Variants in DPP6 observed in about 807,000 individuals in gnomAD.
DPP6 encodes the protein dipeptidyl peptidase like 6.
DPP6 carries 69 observed loss-of-function variants against 122.6 expected under a neutral mutation model. The ratio of observed to expected loss-of-function variants is 0.56; its 90% confidence interval spans 0.46 to 0.69. The LOEUF is 0.69. Among genes scored for constraint, DPP6 ranks in the 30% least tolerant of loss-of-function variants. The pLI is 0.00. For synonymous variants in DPP6, 418 were observed against 433.1 expected, an observed-to-expected ratio of 0.97 and a Z score of 0.43; for missense variants, 928 against 1,116.9, an observed-to-expected ratio of 0.83 and a Z score of 2.41.
At chr7:154,130,751 T>C (rs973310610) in intron 1 of DPP6, among the ~76,000 whole-genome samples, 1 of 151,924 alleles carries the variant, frequency 6.6e-6, no homozygotes, top group African/African-American at 2.4e-5. Context: ...GTCAACAGAA[T>C]GAGCTCCTGT....
chr7:154,116,276 AC>A (rs1189762811), intron 1 of DPP6, among the ~76,000 whole-genome samples: 2 of 152,232 alleles, frequency 1.3e-5, no homozygotes, highest in African/African-American at 4.8e-5. Context: ...CTTGAATAAA[AC>A]CTTTTTATAT....
At chr7:154,644,706 C>CTTT (rs5888584) in intron 6 of DPP6, among the ~76,000 whole-genome samples, 45 of 129,956 alleles carry the variant, frequency 3.5e-4, no homozygotes, top group Non-Finnish European at 1.3e-4. Context: ...CTTAAAATGG[C>CTTT]TTTTTTTTTT....
chr7:154,066,615 G>A lies in DPP6; in HGVS notation c.243+13552G>A, dbSNP rs563645016. ...GAGCAGGACCTTCAAGGGTGCTAGA[G>A]TTTGGCAGAGACAAGAGTAGGAGCG... On this transcript the variant is annotated intron_variant, in intron 1 of 25. Transcript: ENST00000377770. Among the ~76,000 whole-genome samples, 394 of 152,198 alleles carry A rather than the reference G, an allele frequency of 2.6e-3. 4 individuals are homozygous for A. Among genetic ancestry groups the A allele is most frequent in the African/African-American group, 8.6e-3 (357 of 41,518 alleles).
intron 4 of DPP6, among the ~76,000 whole-genome samples, chr7:154,550,809 G>A (rs1483498305): frequency 6.8e-6 from 1 of 147,078 alleles, no homozygotes; most frequent in Non-Finnish European, 1.5e-5. Context: ...GGAGTGCAAT[G>A]GCGCGATCTC....
At chr7:154,867,318 G>A (rs1004958883) in intron 17 of DPP6, among the ~76,000 whole-genome samples, 7 of 152,138 alleles carry the variant, frequency 4.6e-5, no homozygotes, top group African/African-American at 9.7e-5. Context: ...AATAGATAAC[G>A]AGGACGTGTG....
chr7:153,765,305 G>T, the DPP6 span, among the ~76,000 whole-genome samples: 255 of 152,240 alleles, frequency 1.7e-3, 5 homozygotes, highest in East Asian at 0.045. Flanking sequence ...ACTTTGGGAG[G>T]CCAAGGCAGG....
chr7:154,688,249 A>C (rs1839741768), intron 7 of DPP6, among the ~76,000 whole-genome samples: 1 of 152,216 alleles, frequency 6.6e-6, no homozygotes, highest in East Asian at 1.9e-4. Flanking sequence ...TGTGAACTGC[A>C]TTAAGTCTAT....
chr7:154,514,671 T>C (rs990331421), intron 3 of DPP6, among the ~76,000 whole-genome samples: 16 of 152,234 alleles, frequency 1.1e-4, no homozygotes, highest in Admixed American at 5.2e-4. Flanking sequence ...ATTTCACTTA[T>C]CATAATGTCT....
chr7:154,234,653 T>C (rs1801099984), intron 1 of DPP6, among the ~76,000 whole-genome samples: 1 of 151,722 alleles, frequency 6.6e-6, no homozygotes, highest in Admixed American at 6.6e-5. Flanking sequence ...GAATCAACAC[T>C]CAACACGCAA....
intron 5 of DPP6, among the ~76,000 whole-genome samples, chr7:154,608,179 C>T (rs1833677152): frequency 2.0e-5 from 3 of 150,424 alleles, no homozygotes; most frequent in South Asian, 2.1e-4. Context: ...TGGGGTTTCC[C>T]TGTGTTAGCC....
chr7:154,325,156 C>T (rs148759835), intron 1 of DPP6, among the ~76,000 whole-genome samples: 40 of 152,192 alleles, frequency 2.6e-4, no homozygotes, highest in Middle Eastern at 3.4e-3. Context: ...TATGAGCCAC[C>T]GTGCCTGGCC....
intron 2 of DPP6, among the ~76,000 whole-genome samples, chr7:154,448,668 T>G (rs1395163179): frequency 6.6e-6 from 1 of 152,198 alleles, no homozygotes; most frequent in African/African-American, 2.4e-5. Flanking sequence ...ATTTTAAAAC[T>G]TACTGTAAAG....
chr7:154,717,335 T>G (rs1841543368), intron 7 of DPP6, among the ~76,000 whole-genome samples: 1 of 152,062 alleles, frequency 6.6e-6, no homozygotes, highest in Non-Finnish European at 1.5e-5. Context: ...TCCTTCTACC[T>G]CATTGTAACA....
At chr7:154,023,078 A>G (rs899966094) in intron 1 of DPP6, among the ~76,000 whole-genome samples, 1 of 151,964 alleles carries the variant, frequency 6.6e-6, no homozygotes, top group Admixed American at 6.6e-5. Flanking sequence ...CCATCATGCT[A>G]TATTTAGTCT....
At chr7:154,203,243 T>C (rs752348335) in intron 1 of DPP6, among the ~76,000 whole-genome samples, 1 of 152,178 alleles carries the variant, frequency 6.6e-6, no homozygotes, top group Non-Finnish European at 1.5e-5. Flanking sequence ...TGTTGATGCC[T>C]GAAGTTGCGC....
intron 10 of DPP6, among the ~76,000 whole-genome samples, chr7:154,791,235 T>C (rs768852606): frequency 3.9e-5 from 6 of 152,006 alleles, no homozygotes; most frequent in South Asian, 2.1e-4. Context: ...GCCTGGGGAA[T>C]AGAGTGAGAC....
At chr7:154,580,500 G>C (rs1275756924) in intron 5 of DPP6, among the ~76,000 whole-genome samples, 1 of 152,164 alleles carries the variant, frequency 6.6e-6, no homozygotes, top group African/African-American at 2.4e-5. Flanking sequence ...GCTTCTTGCA[G>C]CCTGCTTTCC....
chr7:154,099,232 T>G (rs1428124262), intron 1 of DPP6, among the ~76,000 whole-genome samples: 4 of 152,194 alleles, frequency 2.6e-5, no homozygotes, highest in African/African-American at 9.7e-5. Flanking sequence ...AAAAATAAAA[T>G]TGAAGACTTT....
At chr7:154,870,982 AAAAT>A (rs1223670577) in intron 18 of DPP6, among the ~76,000 whole-genome samples, 3 of 135,064 alleles carry the variant, frequency 2.2e-5, no homozygotes, top group African/African-American at 8.2e-5. Context: ...AAAAAAAAAA[AAAAT>A]GTGTGTGTTA....
Sources: gnomAD v4.1 joint callset for allele counts (sites outside exome capture counted in the v4.1 genomes callset) on GRCh38, gnomAD v4.1.1 for gene constraint, MANE v1.5 for transcripts, NCBI Gene and HGNC (gene_info 2026-07-23, HGNC 2026-07-21) for gene names.